Variants in MAGI1 observed in about 807,000 individuals in gnomAD.
MAGI1 encodes the protein membrane-associated guanylate kinase, WW and PDZ domain-containing protein 1.
A neutral mutation model predicts 139.9 loss-of-function variants in MAGI1; 58 were observed. The ratio of observed to expected loss-of-function variants is 0.41; its 90% CI spans 0.34 to 0.52. MAGI1 has a LOEUF of 0.52. MAGI1 is among the 20% of genes least tolerant of loss of function. MAGI1 has a pLI of 0.12. For missense variants in MAGI1, 1,874 were observed against 1,901.6 expected, an observed-to-expected ratio of 0.99 and a Z score of 0.27; for synonymous variants, 812 against 737.9, an observed-to-expected ratio of 1.10 and a Z score of -1.63.
intron 1 of MAGI1, among the ~76,000 whole-genome samples, chr3:65,993,679 C>A (rs543408014): frequency 6.6e-6 from 1 of 152,186 alleles, no homozygotes; most frequent in Non-Finnish European, 1.5e-5. Flanking sequence ...AGTGTGATCT[C>A]ATCAACCACT....
At chr3:65,402,201 C>T (rs934733329) in intron 12 of MAGI1, among the ~76,000 whole-genome samples, 2 of 152,020 alleles carry the variant, frequency 1.3e-5, no homozygotes, top group Non-Finnish European at 1.5e-5. Flanking sequence ...GGAGGGAAAG[C>T]ATGTCATTTG....
intron 2 of MAGI1, among the ~76,000 whole-genome samples, chr3:65,549,701 G>C (rs1324400662): frequency 6.6e-6 from 1 of 152,110 alleles, no homozygotes; most frequent in Non-Finnish European, 1.5e-5. Context: ...ACGGGGGTAG[G>C]GGTGGGAGAC....
At chr3:65,930,315 C>CAAAAAAAAA (rs58258730) in intron 1 of MAGI1, among the ~76,000 whole-genome samples, 1,943 of 87,452 alleles carry the variant, frequency 0.022, 94 homozygotes, top group Non-Finnish European at 0.034. Context: ...GACTCCGTCT[C>CAAAAAAAAA]AAAAAAAAAA....
Position 65,379,295 on chromosome 3 carries a change from G to C in MAGI1, c.2961C>G (p.Ser987=). The change falls in exon 17 of 23, where the codon TCC becomes TCG. Residue 987 remains serine (S), a synonymous_variant. Transcript: ENST00000402939. The stretch of plus-strand genomic sequence containing the variant: ...TGCCTGCTTCGGGCCTGCTCACCGA[G>C]GACACGATGACGAAGCCGAAGCCCT... ...ENEGFGFVIV[S]SVSRPEAGTT... 6.2e-7 allele frequency: 1 copy of C among 1,613,224 alleles called. No homozygotes were observed. The highest frequency in any genetic ancestry group is 8.5e-7 in the Non-Finnish European group (1 of 1,179,590).
At chr3:65,650,682 A>C (rs1305895504) in intron 1 of MAGI1, among the ~76,000 whole-genome samples, 7 of 152,204 alleles carry the variant, frequency 4.6e-5, no homozygotes, top group Admixed American at 4.6e-4. Context: ...AATTTCTTAC[A>C]GCAACCACAG....
rs75985961 is a variant in MAGI1, at chr3:65,472,271, T to G, written c.758-1787A>C. Among the ~76,000 whole-genome samples the G allele has an allele frequency of 2.6e-5, 4 of 152,278 alleles. No individual in the cohort carries two copies. In the East Asian group the frequency reaches 7.7e-4, roughly 29 times the overall value. ...CTCTAGAAGCCAACAAAGATTCATTTCTGGCATATCTTTGGAAGGTAGACT... is the reference window on the plus strand; with the variant it reads ...CTCTAGAAGCCAACAAAGATTCATTGCTGGCATATCTTTGGAAGGTAGACT... On this transcript the variant is annotated intron_variant, in intron 4 of 22. Transcript: ENST00000402939.
At chr3:65,877,459 T>C (rs1425220752) in intron 1 of MAGI1, among the ~76,000 whole-genome samples, 1 of 152,142 alleles carries the variant, frequency 6.6e-6, no homozygotes, top group Non-Finnish European at 1.5e-5. Context: ...TGTGTTTTTC[T>C]CCACTTGTAT....
At chr3:65,659,259 A>C (rs2086055911) in intron 1 of MAGI1, among the ~76,000 whole-genome samples, 1 of 152,182 alleles carries the variant, frequency 6.6e-6, no homozygotes, top group East Asian at 1.9e-4. Context: ...CAGGGTGATC[A>C]CAGGAGAATG....
At chr3:65,864,718 G>A (rs1024205528) in intron 1 of MAGI1, among the ~76,000 whole-genome samples, 8 of 152,186 alleles carry the variant, frequency 5.3e-5, no homozygotes, top group African/African-American at 1.7e-4. Context: ...CAGGCTGTGG[G>A]AGGAACACCA....
chr3:65,980,394 C>G (rs1028816657), intron 1 of MAGI1, among the ~76,000 whole-genome samples: 1 of 152,048 alleles, frequency 6.6e-6, no homozygotes, highest in Non-Finnish European at 1.5e-5. Flanking sequence ...GAAACACCGT[C>G]TCTACTACAA....
At chr3:65,371,136 G>A (rs945155443) in intron 18 of MAGI1, among the ~76,000 whole-genome samples, 1 of 152,178 alleles carries the variant, frequency 6.6e-6, no homozygotes, top group Non-Finnish European at 1.5e-5. Flanking sequence ...TATAAACCCA[G>A]CAAGTCAATC....
chr3:65,507,795 C>A (rs1343707595), intron 2 of MAGI1, among the ~76,000 whole-genome samples: 1 of 152,096 alleles, frequency 6.6e-6, no homozygotes, highest in East Asian at 1.9e-4. Context: ...AACTATAGCT[C>A]ATTTTATGTT....
intron 1 of MAGI1, among the ~76,000 whole-genome samples, chr3:65,992,102 G>A (rs938181581): frequency 6.6e-6 from 1 of 152,186 alleles, no homozygotes; most frequent in Non-Finnish European, 1.5e-5. Flanking sequence ...GGGTTTGGGT[G>A]CCAGAGAAAG....
chr3:65,709,528 T>C (rs2031009213), intron 1 of MAGI1, among the ~76,000 whole-genome samples: 1 of 152,196 alleles, frequency 6.6e-6, no homozygotes, highest in Admixed American at 6.5e-5. Flanking sequence ...TTTAGGAACA[T>C]CATGGGTGAG....
intron 1 of MAGI1, among the ~76,000 whole-genome samples, chr3:66,033,582 A>G (rs1473318980): frequency 6.6e-6 from 1 of 152,222 alleles, no homozygotes; most frequent in Non-Finnish European, 1.5e-5. Context: ...ATACATTCCA[A>G]TGAATCAAAA....
At chr3:65,561,212 T>A (rs1395970486) in intron 2 of MAGI1, among the ~76,000 whole-genome samples, 1 of 152,154 alleles carries the variant, frequency 6.6e-6, no homozygotes. Context: ...TCAATAAATC[T>A]TCCCTATTTG....
chr3:65,895,057 C>T (rs544329852), intron 1 of MAGI1, among the ~76,000 whole-genome samples: 58 of 152,228 alleles, frequency 3.8e-4, no homozygotes, highest in Non-Finnish European at 6.0e-4. Context: ...CAAATAAAAA[C>T]GTCTCTTTTA....
At chr3:65,970,811 G>A (rs141046881) in intron 1 of MAGI1, among the ~76,000 whole-genome samples, 5 of 152,338 alleles carry the variant, frequency 3.3e-5, no homozygotes, top group African/African-American at 1.2e-4. Flanking sequence ...AATGGTCATG[G>A]CTTTGCCACC....
In MAGI1 at chr3:65,930,576, T is replaced by G. The variant is rs1036157711; in HGVS notation, c.313+107420A>C. On this transcript the variant is annotated intron_variant, in intron 1 of 22. Transcript: ENST00000402939. ...GAATAGGGGCTAGGTAAAATGAGGC[T>G]GATACCTACTGGGCTGCATTCCCAG... 5.3e-5 allele frequency among the ~76,000 whole-genome samples: 8 copies of G among 152,056 alleles called. No homozygotes were observed. In the East Asian group the frequency reaches 1.5e-3, roughly 29 times the overall value.
Sources: allele counts gnomAD v4.1 joint callset (sites outside exome capture counted in the v4.1 genomes callset), GRCh38; gene constraint gnomAD v4.1.1; transcripts MANE v1.5; gene names NCBI Gene and HGNC (gene_info 2026-07-23, HGNC 2026-07-21).